The following LSS variants were observed in gnomAD, a reference collection of about 807,000 sequenced individuals.
LSS encodes the protein lanosterol synthase.
Under a neutral mutation model 110.3 loss-of-function variants are expected in LSS, and 90 were observed. The observed-to-expected ratio is 0.82, with a 90% CI of 0.69 to 0.97. The LOEUF is 0.97. Ranked by LOEUF, LSS falls within the 50% of genes least tolerant of loss-of-function variation. The pLI, the probability that LSS is intolerant of heterozygous loss-of-function variation, is 0.00. For missense variants in LSS, 927 were observed against 990.0 expected (o/e 0.94, Z 0.85); for synonymous variants, 433 against 400.0 (o/e 1.08, Z -0.98).
intron 16 of LSS, among the ~76,000 whole-genome samples, chr21:46,206,364 C>A (rs1281280816): frequency 6.6e-6 from 1 of 152,236 alleles, no homozygotes; most frequent in Non-Finnish European, 1.5e-5. Context: ...GGATACACAG[C>A]AGCCTCCACA....
chr21:46,227,767 C>G, intron 2 of LSS, 77 bp from the exon 3 acceptor site: 1 of 1,502,444 alleles, frequency 6.7e-7, no homozygotes, highest in Non-Finnish European at 9.1e-7. Context: ...TCTTCACATA[C>G]AGCCCAAGTC....
rs1045401989 is a variant in LSS at position 46,216,460 on chromosome 21, G to T, written c.712C>A (p.Leu238Met). The part of the protein sequence containing the change: ...TLWCHCRQVY[L>M]PMSYCYAVRL... ...ACGGCGTAGCAGTAGCTCATGGGCA[G>T]GTACACCTGCCGGCAGTGGCACCAG... Residue 238 changes from leucine (L) to methionine (M), a missense_variant, in exon 7 of 22, where the codon CTG becomes ATG. Physicochemically the swap from Leu to Met is conservative, Grantham distance 15. Coordinates refer to ENST00000397728, the MANE Select transcript of LSS (RefSeq NM_002340.6). This position sits in a 1 kb window ranked among gnomAD's most constrained non-coding sequence, Gnocchi z 4.2. The T allele has an allele frequency of 2.5e-6, 4 of 1,613,560 alleles. No homozygotes were observed. In the East Asian group the frequency reaches 8.9e-5, roughly 36 times the overall value.
rs1156638859 is a variant in LSS, at chr21:46,209,106, G to C, written c.1266+448C>G. On this transcript the variant is annotated intron_variant, in intron 13 of 21. Transcript: ENST00000397728. The surrounding 1 kb of genome is among the most constrained non-coding windows in gnomAD (Gnocchi z 4.4). The stretch of plus-strand genomic sequence containing the variant: ...GAGGTCAAACTATGGGCTCGGGCAG[G>C]GTCTGTGGGCAGCTGATCTGGCAGG... 1.3e-5 allele frequency among the ~76,000 whole-genome samples: 2 copies of C among 152,142 alleles called. No individual in the cohort carries two copies. The highest frequency in any genetic ancestry group is 2.9e-5 in the Non-Finnish European group (2 of 68,020).
intron 18 of LSS, among the ~76,000 whole-genome samples, chr21:46,195,961 C>T (rs2079904343): frequency 6.6e-6 from 1 of 152,240 alleles, no homozygotes; most frequent in African/African-American, 2.4e-5. Context: ...CACGCTCAGG[C>T]TACAGCGCGC....
chr21:46,191,347 G>C, intron 21 of LSS, 112 bp from the exon 22 acceptor site: 1 of 1,196,022 alleles, frequency 8.4e-7, no homozygotes, highest in Non-Finnish European at 1.2e-6. Context: ...AGTCAGCCTG[G>C]AAAGGGCTAA....
In LSS at chr21:46,209,310, C is replaced by T. The variant is rs1044122788; in HGVS notation, c.1266+244G>A. On this transcript the variant is annotated intron_variant, in intron 13 of 21. Coordinates refer to ENST00000397728, the MANE Select transcript of LSS (RefSeq NM_002340.6). The surrounding 1 kb of genome is among the most constrained non-coding windows in gnomAD (Gnocchi z 4.4). ...CACAGTGGCTCCAACATGAGCAGGA[C>T]GCAGAAACTGCCAGCACCCCCAGCA... is the stretch of plus-strand genomic sequence containing the variant. Among the ~76,000 whole-genome samples the T allele has an allele frequency of 3.3e-5, 5 of 152,074 alleles. No homozygotes were observed. The highest frequency in any genetic ancestry group is 1.9e-4 in the East Asian group (1 of 5,162).
chr21:46,199,769 G>A (rs560130026), intron 17 of LSS, among the ~76,000 whole-genome samples: 1 of 152,228 alleles, frequency 6.6e-6, no homozygotes, highest in East Asian at 1.9e-4. Flanking sequence ...TATGGAGACA[G>A]TAAAAATATC....
intron 17 of LSS, among the ~76,000 whole-genome samples, chr21:46,200,808 G>A (rs2123708910): frequency 6.6e-6 from 1 of 152,340 alleles, no homozygotes; most frequent in South Asian, 2.1e-4. Context: ...GGAAGATTTT[G>A]CCATAAAGGA....
In LSS at chr21:46,209,097, C is replaced by T. The variant is rs562979426; in HGVS notation, c.1266+457G>A. Among the ~76,000 whole-genome samples the T allele has an allele frequency of 6.6e-6, 1 of 152,228 alleles. No homozygotes were observed. Among genetic ancestry groups the T allele is most frequent in the Non-Finnish European group, 1.5e-5 (1 of 68,002 alleles). On this transcript the variant is annotated intron_variant, in intron 13 of 21. Coordinates refer to ENST00000397728, the MANE Select transcript of LSS (RefSeq NM_002340.6). This position sits in a 1 kb window ranked among gnomAD's most constrained non-coding sequence, Gnocchi z 4.4. ...AGAGACACTGAGGTCAAACTATGGG[C>T]TCGGGCAGGGTCTGTGGGCAGCTGA...
chr21:46,194,813 G>T (rs1036072317), intron 19 of LSS, 152 bp from the exon 20 acceptor site: 9 of 702,348 alleles, frequency 1.3e-5, no homozygotes, highest in African/African-American at 1.3e-4. Context: ...TGAAACCCGA[G>T]CTTGACTTTT....
intron 3 of LSS, chr21:46,225,377 C>T (rs1409698029): frequency 4.4e-5 from 20 of 452,638 alleles, no homozygotes; most frequent in South Asian, 2.2e-4. Context: ...CGTTGCCAAG[C>T]GGACCCAACC....
In LSS at chr21:46,210,590, G is replaced by T. The variant is rs1183292653; in HGVS notation, c.1194+98C>A. 2.4e-5 allele frequency: 29 copies of T among 1,186,174 alleles called. 2 individuals carry two copies. In the South Asian group the frequency reaches 3.5e-4, roughly 14 times the overall value. The allele number at this position is 1,186,174 out of a possible 1,614,324, so 73.5% of individuals were successfully genotyped here. On this transcript the variant is annotated intron_variant, in intron 12 of 21. Coordinates refer to ENST00000397728, the MANE Select transcript of LSS (RefSeq NM_002340.6). The stretch of plus-strand genomic sequence containing the variant: ...AGGTCACTGGAAGTATCGAGGAGTG[G>T]CAAGTGTGTGGCCAGCAGTGCTGCC...
intron 17 of LSS, 35 bp from the exon 18 acceptor site, chr21:46,196,302 T>C: frequency 1.3e-6 from 2 of 1,568,026 alleles, no homozygotes; most frequent in Non-Finnish European, 1.8e-6. Flanking sequence ...AACATTCTGG[T>C]AAAACAGCAG....
In LSS at chr21:46,215,746, C is replaced by T. The variant is rs372085420; in HGVS notation, c.831G>A (p.Arg277=). ...ACAGCTCGTCGGGGGCCACGTTGTTCCTCTGCGCCAGCCAGTCAATGCTGG... is the reference window on the plus strand; with the variant it reads ...ACAGCTCGTCGGGGGCCACGTTGTTTCTCTGCGCCAGCCAGTCAATGCTGG... ...DFASIDWLAQ[R]NNVAPDELYT... The change falls in exon 8 of 22, where the codon AGG becomes AGA. Residue 277 remains arginine, a synonymous_variant. Coordinates refer to ENST00000397728, the MANE Select transcript of LSS (RefSeq NM_002340.6). 7 of 1,612,750 alleles carry T rather than the reference C, an allele frequency of 4.3e-6. No homozygotes were observed. Among genetic ancestry groups the T allele is most frequent in the Admixed American group, 1.7e-5 (1 of 59,938 alleles).
At chr21:46,202,074 G>A (rs1475237638) in intron 17 of LSS, among the ~76,000 whole-genome samples, 11 of 144,842 alleles carry the variant, frequency 7.6e-5, no homozygotes, top group African/African-American at 2.0e-4. Context: ...GATTACAGGC[G>A]TCAGCCACTG....
rs563663742 is a variant in LSS, at chr21:46,190,835, C to T, written c.*269G>A. The T allele has an allele frequency of 1.6e-4, 78 of 473,304 alleles. 1 individual carries two copies. The highest frequency in any genetic ancestry group is 1.1e-3 in the Middle Eastern group (2 of 1,762). The allele number at this position is 473,304 out of a possible 1,614,324, so 29.3% of individuals were successfully genotyped here. A position where few individuals can be genotyped will look rare whatever the true frequency, so the allele number is the denominator to read the frequency against. ...CCCAGAGGTGGCAGAAGGCGCTGTG[C>T]CTCCTCAGGGGTCACGGCTCCTGTG... is the stretch of plus-strand genomic sequence containing the variant. On this transcript the variant is annotated 3_prime_UTR_variant, in exon 22 of 22. Transcript: ENST00000397728. The surrounding 1 kb of genome is among the most constrained non-coding windows in gnomAD (Gnocchi z 4.6).
At chr21:46,204,868 T>G (rs1224111282) in intron 17 of LSS, among the ~76,000 whole-genome samples, 1 of 152,016 alleles carries the variant, frequency 6.6e-6, no homozygotes, top group African/African-American at 2.4e-5. Context: ...GAAAAAAAAA[T>G]TATAGACCAG....
chr21:46,207,501 A>G lies in LSS; in HGVS notation c.1394T>C (p.Leu465Pro). The G allele has an allele frequency of 1.2e-6, 2 of 1,612,510 alleles. No individual in the cohort carries two copies. Among genetic ancestry groups the G allele is most frequent in the African/African-American group, 1.3e-5 (1 of 75,054 alleles). The part of the protein sequence containing the change: ...DCTAEALKAV[L>P]LLQEKCPHVT... ...ATGGGGACACTTCTCCTGCAGGAGCAGCACAGCCTTCAAGGCCTCAGCCGT... is the reference window on the plus strand; with the variant it reads ...ATGGGGACACTTCTCCTGCAGGAGCGGCACAGCCTTCAAGGCCTCAGCCGT... The change falls in exon 15 of 22, where the codon CTG becomes CCG. Residue 465 changes from leucine (L) to proline (P), a missense_variant. Coordinates refer to ENST00000397728, the MANE Select transcript of LSS (RefSeq NM_002340.6).
At chr21:46,226,127 C>T (rs13052767) in intron 3 of LSS, among the ~76,000 whole-genome samples, 8,852 of 133,386 alleles carry the variant, frequency 0.066, 638 homozygotes, top group African/African-American at 0.2. Context: ...CAAGAGCGAA[C>T]GCTGTCTCAA....
Sources: gnomAD v4.1 joint callset for allele counts (sites outside exome capture counted in the v4.1 genomes callset) on GRCh38, gnomAD v4.1.1 for gene constraint, Gnocchi (gnomAD v3.1) non-coding constraint, MANE v1.5 for transcripts, NCBI Gene and HGNC (gene_info 2026-07-23, HGNC 2026-07-21) for gene names.